Variants in C1RL observed in about 807,000 individuals in gnomAD.
C1RL encodes the protein complement C1r subcomponent-like protein.
A neutral mutation model predicts 27.9 loss-of-function variants in C1RL; 27 were observed. That is an observed-to-expected ratio of 0.97 (90% CI 0.71 to 1.33). The LOEUF (loss-of-function observed/expected upper bound fraction) is 1.33, where lower values mean the gene tolerates loss of function less well. Among genes scored for constraint, C1RL ranks in the 40% most tolerant of loss-of-function variants. The pLI, the probability that C1RL is intolerant of heterozygous loss-of-function variation, is 0.00. For synonymous variants in C1RL, 248 were observed against 252.1 expected, an observed-to-expected ratio of 0.98 and a Z score of 0.15; for missense variants, 563 against 623.9, an observed-to-expected ratio of 0.90 and a Z score of 1.04.
Position 7,108,470 on chromosome 12 carries a change from C to A in C1RL, c.81G>T (p.Leu27=). Residue 27 remains leucine (L), a synonymous_variant, in exon 2 of 6, where the codon CTG becomes CTT. Transcript: ENST00000266542. ...AAGCCTGGAGGACTCCCCAGAGAAG[C>A]AGCCACCACCTGTGAGTTGGGGGGA... is the stretch of plus-strand genomic sequence containing the variant. ...SKGCPGAMWW[L]LLWGVLQACP... 1 of 1,591,226 alleles carries A rather than the reference C, an allele frequency of 6.3e-7. No individual in the cohort carries two copies. The highest frequency in any genetic ancestry group is 8.6e-7 in the Non-Finnish European group (1 of 1,165,794).
rs755476000 is a variant in C1RL, at chr12:7,096,412, T to C, written c.1443A>G (p.Gly481=). 1 of 1,607,356 alleles carries C rather than the reference T, an allele frequency of 6.2e-7. No individual in the cohort carries two copies. Among genetic ancestry groups the C allele is most frequent in the Admixed American group, 1.7e-5 (1 of 59,592 alleles). Residue 481 remains glycine, a synonymous_variant, in exon 6 of 6, where the codon GGA becomes GGG. Coordinates refer to ENST00000266542, the MANE Select transcript of C1RL (RefSeq NM_016546.4). ...KVLSYVDWIK[G]VMNGKN ...AGGGTCAATTCTTGCCATTCATCAC[T>C]CCCTTGATCCAGTCCACATAGCTGA...
At chr12:7,098,090 AC>A (rs1308671148) in intron 5 of C1RL, among the ~76,000 whole-genome samples, 1 of 151,448 alleles carries the variant, frequency 6.6e-6, no homozygotes, top group Non-Finnish European at 1.5e-5. Context: ...ACCCGGTGAA[AC>A]CCCGTCTCTA....
chr12:7,105,782 C>T (rs777442859), intron 2 of C1RL, among the ~76,000 whole-genome samples: 3 of 152,256 alleles, frequency 2.0e-5, no homozygotes, highest in African/African-American at 4.8e-5. Flanking sequence ...TAAAAAGGCA[C>T]ATTTAGAAAA....
At position 7,099,919 on chromosome 12, in the gene C1RL, A is replaced by C. The variant is rs1485099145; in HGVS notation, c.598T>G (p.Tyr200Asp). The C allele has an allele frequency of 6.2e-7, 1 of 1,614,062 alleles. No individual in the cohort carries two copies. The highest frequency in any genetic ancestry group is 1.1e-5 in the South Asian group (1 of 91,072). ...KVQNHCQEPY[Y>D]QAAAAGALTC... is the part of the protein sequence containing the mutation. ...GACTCACCTGCTGCCGCGGCCTGAT[A>C]ATAGGGCTCCTGGCAGTGGTTCTGG... The change falls in exon 4 of 6, where the codon TAT becomes GAT. Residue 200 changes from tyrosine to aspartate, a missense_variant. Physicochemically the swap from Tyr to Asp is radical, Grantham distance 160 (BLOSUM62 -3). Transcript: ENST00000266542.
intron 5 of C1RL, among the ~76,000 whole-genome samples, chr12:7,097,528 C>T (rs958698860): frequency 6.6e-6 from 1 of 152,084 alleles, no homozygotes; most frequent in African/African-American, 2.4e-5. Context: ...GTGTTCCACC[C>T]GCCTCTGCCT....
chr12:7,101,711 G>A (rs914046358), intron 3 of C1RL, 187 bp downstream of exon 3: 9 of 606,724 alleles, frequency 1.5e-5, no homozygotes, highest in Non-Finnish European at 2.6e-5. Flanking sequence ...AACAACCGCT[G>A]GGGGCTCAGC....
Position 7,094,649 on chromosome 12 carries a change from T to C in C1RL, c.*1742A>G. The C allele has an allele frequency of 2.0e-6, 2 of 977,912 alleles. No homozygotes were observed. The highest frequency in any genetic ancestry group is 2.4e-6 in the Non-Finnish European group (2 of 823,050). The allele number at this position is 977,912 out of a possible 1,614,324, so 60.6% of individuals were successfully genotyped here. Reference sequence around the variant, plus strand: ...AGCAAAATAAAATAAAAACATTTCATGCTCATTAAACAAATTTTAGCCAAT... The same window carrying C: ...AGCAAAATAAAATAAAAACATTTCACGCTCATTAAACAAATTTTAGCCAAT... On this transcript the variant is annotated 3_prime_UTR_variant, in exon 6 of 6. Transcript: ENST00000266542.
rs1453756439 is a variant in C1RL at position 7,108,495 on chromosome 12, A to G, written c.72-16T>C. ...CAGCCACCACCTGTGAGTTGGGGGGAGGGCAAGGTGGGGCCGCGCAGCTAT... is the reference window on the plus strand; with the variant it reads ...CAGCCACCACCTGTGAGTTGGGGGGGGGGCAAGGTGGGGCCGCGCAGCTAT... On this transcript the variant is annotated splice_polypyrimidine_tract_variant and intron_variant, in intron 1 of 5. Coordinates refer to ENST00000266542, the MANE Select transcript of C1RL (RefSeq NM_016546.4). The G allele has an allele frequency of 6.4e-6, 10 of 1,560,338 alleles. No homozygotes were observed. In the African/African-American group the frequency reaches 1.2e-4, roughly 19 times the overall value.
chr12:7,098,522 A>C (rs908462900), intron 5 of C1RL: 3 of 152,256 alleles, frequency 2.0e-5, no homozygotes, highest in Admixed American at 2.0e-4. Flanking sequence ...ACAAATGCTC[A>C]TAGCAGCATC....
intron 2 of C1RL, among the ~76,000 whole-genome samples, chr12:7,103,817 A>G (rs1266274985): frequency 6.6e-6 from 1 of 152,158 alleles, no homozygotes; most frequent in African/African-American, 2.4e-5. Flanking sequence ...GAAGTTTCTC[A>G]ATGACAAGAA....
intron 5 of C1RL, among the ~76,000 whole-genome samples, chr12:7,098,715 C>T (rs959432047): frequency 1.3e-5 from 2 of 152,112 alleles, no homozygotes. Flanking sequence ...GAAATGGCCA[C>T]ACATTATATG....
Position 7,096,478 on chromosome 12 carries a change from G to A in C1RL, c.1377C>T (p.Gly459=). 6.2e-7 allele frequency: 1 copy of A among 1,614,074 alleles called. No individual in the cohort carries two copies. Among genetic ancestry groups the A allele is most frequent in the Non-Finnish European group, 8.5e-7 (1 of 1,180,022 alleles). The change falls in exon 6 of 6, where the codon GGC becomes GGT. Residue 459 remains glycine, a synonymous_variant. Transcript: ENST00000266542. ...HWVATGIVSW[G]IGCGEGYDFY... Reference sequence around the variant, plus strand: ...AGTCATACCCTTCGCCACACCCTATGCCCCAGGACACAATGCCCGTGGCCA... The same window carrying A: ...AGTCATACCCTTCGCCACACCCTATACCCCAGGACACAATGCCCGTGGCCA...
In C1RL at chr12:7,096,472, C is replaced by T; in HGVS notation, c.1383G>A (p.Gly461=). 3 of 1,614,138 alleles carry T rather than the reference C, an allele frequency of 1.9e-6. No individual in the cohort carries two copies. Among genetic ancestry groups the T allele is most frequent in the Non-Finnish European group, 2.5e-6 (3 of 1,180,032 alleles). The change falls in exon 6 of 6, where the codon GGG becomes GGA. Residue 461 remains glycine, a synonymous_variant. Transcript: ENST00000266542. ...VATGIVSWGI[G]CGEGYDFYTK... Reference sequence around the variant, plus strand: ...TGTAGAAGTCATACCCTTCGCCACACCCTATGCCCCAGGACACAATGCCCG... The same window carrying T: ...TGTAGAAGTCATACCCTTCGCCACATCCTATGCCCCAGGACACAATGCCCG...
At position 7,096,930 on chromosome 12, in the gene C1RL, C is replaced by A. The variant is rs771202397; in HGVS notation, c.925G>T (p.Asp309Tyr). The change falls in exon 6 of 6, where the codon GAT becomes TAT. Residue 309 changes from aspartate to tyrosine, a missense_variant. Physicochemically the swap from Asp to Tyr is radical, Grantham distance 160 (BLOSUM62 -3). Coordinates refer to ENST00000266542, the MANE Select transcript of C1RL (RefSeq NM_016546.4). ...TGGTTCCCCAGTTTCAGCATCTCATCTATGGCTGTGTGGCCCAAGAACACA... is the reference window on the plus strand; with the variant it reads ...TGGTTCCCCAGTTTCAGCATCTCATATATGGCTGTGTGGCCCAAGAACACA... ...VNVFLGHTAI[D>Y]EMLKLGNHPV... The A allele has an allele frequency of 6.8e-6, 11 of 1,610,216 alleles. No homozygotes were observed. The highest frequency in any genetic ancestry group is 9.3e-6 in the Non-Finnish European group (11 of 1,177,760).
In C1RL at chr12:7,100,038, C is replaced by T. The variant is rs758485777; in HGVS notation, c.491-12G>A. ...ACTATAGTTCACAGCTATAGGAAAA[C>T]AGCACCTAGCACAGACTTGCCAACT... On this transcript the variant is annotated splice_polypyrimidine_tract_variant and intron_variant, in intron 3 of 5. Transcript: ENST00000266542. 3 of 1,606,494 alleles carry T rather than the reference C, an allele frequency of 1.9e-6. No individual in the cohort carries two copies. Among genetic ancestry groups the T allele is most frequent in the East Asian group, 4.5e-5 (2 of 44,716 alleles).
chr12:7,100,150 C>A (rs1473190619), intron 3 of C1RL, 124 bp from the exon 4 acceptor site: 2 of 988,072 alleles, frequency 2.0e-6, no homozygotes, highest in Non-Finnish European at 2.9e-6. Context: ...TTTTTTAAAA[C>A]ATTTGAGTTC....
At chr12:7,106,128 A>C (rs1252752858) in intron 2 of C1RL, among the ~76,000 whole-genome samples, 1 of 152,250 alleles carries the variant, frequency 6.6e-6, no homozygotes, top group Non-Finnish European at 1.5e-5. Context: ...CATCATAATG[A>C]AAGTCCAGAA....
Position 7,099,890 on chromosome 12 carries a change from T to TG in C1RL, c.616+10dup. 6.2e-7 allele frequency: 1 copy of TG among 1,613,794 alleles called. No homozygotes were observed. The highest frequency in any genetic ancestry group is 8.5e-7 in the Non-Finnish European group (1 of 1,179,936). On this transcript the variant is annotated intron_variant, in intron 4 of 5. Transcript: ENST00000266542. Reference sequence around the variant, plus strand: ...TGGATGGAAGCCACCCCTCGGCAGGTGGGGACTCACCTGCTGCCGCGGCCT... The same window carrying TG: ...TGGATGGAAGCCACCCCTCGGCAGGTGGGGGACTCACCTGCTGCCGCGGCCT...
At chr12:7,105,112 G>A (rs758003491) in intron 2 of C1RL, among the ~76,000 whole-genome samples, 1 of 152,162 alleles carries the variant, frequency 6.6e-6, no homozygotes, top group Non-Finnish European at 1.5e-5. Flanking sequence ...AGGGGAAACT[G>A]GCTGCCCCCA....
Sources: gnomAD v4.1 joint callset for allele counts (sites outside exome capture counted in the v4.1 genomes callset) on GRCh38, gnomAD v4.1.1 for gene constraint, MANE v1.5 for transcripts, NCBI Gene and HGNC (gene_info 2026-07-23, HGNC 2026-07-21) for gene names.